Variants in SEMA6D observed in about 807,000 individuals in gnomAD.
SEMA6D encodes semaphorin 6D.
Under a neutral mutation model 106.6 loss-of-function variants are expected in SEMA6D, and 35 were observed. That is an observed-to-expected ratio of 0.33 (90% CI 0.25 to 0.44). The LOEUF (loss-of-function observed/expected upper bound fraction) is 0.44, where lower values mean the gene tolerates loss of function less well. Among genes scored for constraint, SEMA6D ranks in the 20% least tolerant of loss-of-function variants. The pLI, the probability that SEMA6D is intolerant of heterozygous loss-of-function variation, is 1.00. For missense variants in SEMA6D, 1,185 were observed against 1,345.9 expected (o/e 0.88, Z 1.87); for synonymous variants, 499 against 487.7 (o/e 1.02, Z -0.31).
chr15:47,390,463 A>G (rs2039987642), intron 1 of SEMA6D, among the ~76,000 whole-genome samples: 1 of 152,204 alleles, frequency 6.6e-6, no homozygotes. Context: ...TATTCATTTC[A>G]TGAAATTGGG....
chr15:47,344,715 C>T (rs535072), intron 1 of SEMA6D, among the ~76,000 whole-genome samples: 71,040 of 152,056 alleles, frequency 0.47, 19,712 homozygotes, highest in South Asian at 0.61. Flanking sequence ...CTGGATGTTC[C>T]AACTAGCAAA....
At chr15:47,752,057 A>G (rs2081470753) in intron 1 of SEMA6D, among the ~76,000 whole-genome samples, 1 of 152,160 alleles carries the variant, frequency 6.6e-6, no homozygotes, top group African/African-American at 2.4e-5. Context: ...ACTCCTTGTG[A>G]GAGGGGGCAG....
chr15:47,306,605 C>T (rs994100662), intron 1 of SEMA6D, among the ~76,000 whole-genome samples: 2 of 152,182 alleles, frequency 1.3e-5, no homozygotes, highest in African/African-American at 4.8e-5. Flanking sequence ...ATCCCAGCTA[C>T]TCAGGAGGCT....
intron 1 of SEMA6D, among the ~76,000 whole-genome samples, chr15:47,271,006 C>G (rs1044547620): frequency 7.9e-5 from 12 of 152,096 alleles, no homozygotes; most frequent in Non-Finnish European, 1.5e-4. Flanking sequence ...CTCCAAACAG[C>G]TAAGTGTACA....
At chr15:47,347,178 G>A (rs186535227) in intron 1 of SEMA6D, among the ~76,000 whole-genome samples, 4 of 152,294 alleles carry the variant, frequency 2.6e-5, no homozygotes, top group Admixed American at 1.3e-4. Flanking sequence ...AAAGTGCTGG[G>A]ATTACAGGCA....
chr15:47,249,745 G>A (rs889340101), intron 1 of SEMA6D, among the ~76,000 whole-genome samples: 6 of 152,144 alleles, frequency 3.9e-5, no homozygotes, highest in Non-Finnish European at 7.3e-5. Flanking sequence ...CTTAGCAAAA[G>A]GAAGCATGGG....
upstream of SEMA6D, among the ~76,000 whole-genome samples, chr15:47,713,930 C>T (rs2079065004): frequency 1.3e-5 from 2 of 152,302 alleles, 1 homozygote; most frequent in South Asian, 4.1e-4. Flanking sequence ...CCAGATTCTG[C>T]TGCCTTTGGA....
intron 3 of SEMA6D, among the ~76,000 whole-genome samples, chr15:47,491,672 G>A (rs1351460302): frequency 6.6e-6 from 1 of 152,120 alleles, no homozygotes; most frequent in Non-Finnish European, 1.5e-5. Flanking sequence ...GTAAAAGAGA[G>A]CTATGCATAT....
At chr15:47,192,078 ATCTT>A (rs1253787747) in intron 1 of SEMA6D, among the ~76,000 whole-genome samples, 2 of 152,188 alleles carry the variant, frequency 1.3e-5, no homozygotes, top group African/African-American at 4.8e-5. Flanking sequence ...GTACTCATTA[ATCTT>A]AAGTATGTTC....
At chr15:47,665,597 G>T (rs2078010278) in intron 4 of SEMA6D, among the ~76,000 whole-genome samples, 1 of 152,162 alleles carries the variant, frequency 6.6e-6, no homozygotes, top group African/African-American at 2.4e-5. Flanking sequence ...ATCACCTGAG[G>T]TCAAGAGTGT....
At chr15:47,292,834 C>T (rs1361090389) in intron 1 of SEMA6D, among the ~76,000 whole-genome samples, 1 of 152,094 alleles carries the variant, frequency 6.6e-6, no homozygotes, top group Admixed American at 6.6e-5. Flanking sequence ...ATCACTTTTT[C>T]ATTGCAACCA....
chr15:47,543,669 C>T (rs2045426969), intron 3 of SEMA6D, among the ~76,000 whole-genome samples: 1 of 152,018 alleles, frequency 6.6e-6, no homozygotes, highest in Non-Finnish European at 1.5e-5. Context: ...TGTTTTTCCA[C>T]CTTTTTAAAT....
chr15:47,204,363 G>C (rs1057223959), intron 1 of SEMA6D, among the ~76,000 whole-genome samples: 1 of 152,148 alleles, frequency 6.6e-6, no homozygotes, highest in Admixed American at 6.6e-5. Context: ...TTCAGTTTGT[G>C]TGGAAGATCA....
intron 3 of SEMA6D, among the ~76,000 whole-genome samples, chr15:47,564,179 A>G (rs1186309653): frequency 6.6e-6 from 1 of 152,226 alleles, no homozygotes; most frequent in African/African-American, 2.4e-5. Context: ...AGCTCCTCTG[A>G]AAGATATTAA....
intron 1 of SEMA6D, among the ~76,000 whole-genome samples, chr15:47,217,164 G>A (rs900890270): frequency 6.6e-6 from 1 of 152,122 alleles, no homozygotes. Context: ...AAGTCATCCC[G>A]TGTATGGTAT....
chr15:47,415,554 G>T (rs1047425068), intron 2 of SEMA6D, among the ~76,000 whole-genome samples: 2 of 152,010 alleles, frequency 1.3e-5, no homozygotes, highest in Non-Finnish European at 2.9e-5. Flanking sequence ...TCACACCTCA[G>T]AAAGTCCTTT....
rs139207328 is a variant in SEMA6D, at chr15:47,345,177, A to C, written c.-238-67216A>C. Among the ~76,000 whole-genome samples the C allele has an allele frequency of 3.7e-3, 558 of 152,314 alleles. 2 individuals carry two copies. The highest frequency in any genetic ancestry group is 0.013 in the African/African-American group (533 of 41,588). The stretch of plus-strand genomic sequence containing the variant: ...AATCTGTACGGTCAACACAATTCCA[A>C]GTCAAATTTCAGTAGACTTTTTTGT... On this transcript the variant is annotated intron_variant, in intron 1 of 19. Transcript: ENST00000558014.
chr15:47,659,057 A>G (rs1169422018), intron 4 of SEMA6D, among the ~76,000 whole-genome samples: 1 of 152,134 alleles, frequency 6.6e-6, no homozygotes, highest in Non-Finnish European at 1.5e-5. Context: ...CAAATTAATG[A>G]ACTTATGGAA....
chr15:47,443,355 T>C (rs550911014), intron 2 of SEMA6D, among the ~76,000 whole-genome samples: 1 of 152,068 alleles, frequency 6.6e-6, no homozygotes, highest in East Asian at 1.9e-4. Flanking sequence ...TACCTGGGAG[T>C]AGCAAAACCT....
Sources: gnomAD v4.1 joint callset for allele counts (sites outside exome capture counted in the v4.1 genomes callset) on GRCh38, gnomAD v4.1.1 for gene constraint, MANE v1.5 for transcripts, NCBI Gene and HGNC (gene_info 2026-07-23, HGNC 2026-07-21) for gene names.